SIL1: variants seen among roughly 807,000 people sequenced by gnomAD.
The protein encoded by SIL1 is SIL1 nucleotide exchange factor, also known as nucleotide exchange factor SIL1.
Under a neutral mutation model 49.1 loss-of-function variants are expected in SIL1, and 40 were observed. That is an observed-to-expected ratio of 0.81 (90% CI 0.63 to 1.06). SIL1 has a LOEUF of 1.06. Ranked by LOEUF, SIL1 falls within the 50% of genes least tolerant of loss-of-function variation. The pLI, the probability that SIL1 is intolerant of heterozygous loss-of-function variation, is 0.00. For synonymous variants in SIL1, 253 were observed against 250.8 expected, an observed-to-expected ratio of 1.01 and a Z score of -0.08; for missense variants, 500 against 572.6, an observed-to-expected ratio of 0.87 and a Z score of 1.29.
intron 1 of SIL1, chr5:139,137,315 A>C: frequency 4.3e-6 from 3 of 702,476 alleles, no homozygotes; most frequent in Non-Finnish European, 7.8e-6. Flanking sequence ...CAAAATTCAG[A>C]GAGGTTAAGT....
rs188845358 is a variant in SIL1 at position 139,122,081 on chromosome 5, G to A, written c.106-908C>T. On this transcript the variant is annotated intron_variant, in intron 2 of 9. Coordinates refer to ENST00000394817, the MANE Select transcript of SIL1 (RefSeq NM_022464.5). Reference sequence around the variant, plus strand: ...AGGAGGAACCCACATTAGCACATGGGGAGGTATTTCAGCCTGCCCACCTCC... The same window carrying A: ...AGGAGGAACCCACATTAGCACATGGAGAGGTATTTCAGCCTGCCCACCTCC... Among the ~76,000 whole-genome samples the A allele has an allele frequency of 4.1e-3, 621 of 152,172 alleles. 6 individuals carry two copies. The highest frequency in any genetic ancestry group is 9.7e-3 in the African/African-American group (404 of 41,500).
At chr5:139,112,574 GCC>G (rs746321575) in intron 3 of SIL1, among the ~76,000 whole-genome samples, 1 of 144,384 alleles carries the variant, frequency 6.9e-6, no homozygotes, top group Non-Finnish European at 1.5e-5. Context: ...CCCGGCAGCC[GCC>G]CCGTCTGGGA....
chr5:139,002,271 T>A (rs10068237), intron 7 of SIL1, among the ~76,000 whole-genome samples: 66,299 of 151,052 alleles, frequency 0.44, 15,715 homozygotes, highest in African/African-American at 0.64. Flanking sequence ...CCTCCGGGGG[T>A]GAACAAAGGG....
chr5:139,096,789 G>A (rs888287171), intron 3 of SIL1, among the ~76,000 whole-genome samples: 1 of 151,868 alleles, frequency 6.6e-6, no homozygotes, highest in Non-Finnish European at 1.5e-5. Context: ...CTTAGACCCT[G>A]AATAACCAGC....
chr5:139,047,010 C>A (rs1372750744), intron 4 of SIL1, among the ~76,000 whole-genome samples: 1 of 152,206 alleles, frequency 6.6e-6, no homozygotes, highest in Admixed American at 6.5e-5. Flanking sequence ...CAATGCCTGG[C>A]ACGTGGGCAC....
intron 7 of SIL1, among the ~76,000 whole-genome samples, chr5:138,954,728 G>A (rs1766863326): frequency 6.6e-6 from 1 of 152,240 alleles, no homozygotes; most frequent in Non-Finnish European, 1.5e-5. Context: ...CCTGGGGCTG[G>A]GGGAGGCAAC....
intron 7 of SIL1, among the ~76,000 whole-genome samples, chr5:138,995,289 C>T (rs1401938145): frequency 6.6e-6 from 1 of 151,226 alleles, no homozygotes; most frequent in African/African-American, 2.4e-5. Flanking sequence ...CTCTTGTTGC[C>T]CAGGCTGGAG....
At chr5:138,966,470 C>A (rs1215664314) in intron 7 of SIL1, among the ~76,000 whole-genome samples, 2 of 152,006 alleles carry the variant, frequency 1.3e-5, no homozygotes, top group Admixed American at 1.3e-4. Flanking sequence ...ACACCACCCA[C>A]CAGGCTTCCT....
At chr5:139,078,824 A>G (rs1282612727) in intron 3 of SIL1, among the ~76,000 whole-genome samples, 1 of 152,236 alleles carries the variant, frequency 6.6e-6, no homozygotes, top group African/African-American at 2.4e-5. Context: ...ATACAGTGAG[A>G]GAGGGGACAC....
chr5:139,050,609 T>C (rs1428610495), intron 4 of SIL1, among the ~76,000 whole-genome samples: 1 of 152,234 alleles, frequency 6.6e-6, no homozygotes, highest in East Asian at 1.9e-4. Flanking sequence ...CCTGTTTTAA[T>C]GAATAGATGA....
intron 7 of SIL1, among the ~76,000 whole-genome samples, chr5:138,972,934 G>A (rs1767313178): frequency 6.6e-6 from 1 of 152,168 alleles, no homozygotes; most frequent in Admixed American, 6.5e-5. Context: ...AAGAGCAGAA[G>A]GGAGGACAAC....
chr5:139,102,739 G>C (rs951409284), intron 3 of SIL1, among the ~76,000 whole-genome samples: 13 of 148,924 alleles, frequency 8.7e-5, no homozygotes, highest in African/African-American at 3.2e-4. Flanking sequence ...TTGAGACGGA[G>C]TTTTTGCTCT....
chr5:139,013,317 C>T (rs1768325891), intron 7 of SIL1, among the ~76,000 whole-genome samples: 1 of 152,180 alleles, frequency 6.6e-6, no homozygotes, highest in Non-Finnish European at 1.5e-5. Flanking sequence ...TGAAGATCTG[C>T]AGGCATTTTT....
Position 139,143,344 on chromosome 5 carries a change from C to CACAT in SIL1, c.-10-15492_-10-15491insATGT, listed in dbSNP as rs1451727500. Among the ~76,000 whole-genome samples the CACAT allele has an allele frequency of 4.6e-3, 444 of 97,426 alleles. 1 individual carries two copies. Among genetic ancestry groups the CACAT allele is most frequent in the African/African-American group, 0.016 (288 of 18,274 alleles). 63.9% of individuals were successfully genotyped at this position (97,426 alleles called of 152,430 possible). On this transcript the variant is annotated intron_variant, in intron 1 of 9. Coordinates refer to ENST00000394817, the MANE Select transcript of SIL1 (RefSeq NM_022464.5). ...ACACACACACACACACACACACACACATATATATATATATATATATATGGT... is the reference window on the plus strand; with the variant it reads ...ACACACACACACACACACACACACACACATATATATATATATATATATATATGGT...
chr5:139,011,342 A>T (rs1175936393), intron 7 of SIL1, among the ~76,000 whole-genome samples: 1 of 152,154 alleles, frequency 6.6e-6, no homozygotes, highest in African/African-American at 2.4e-5. Context: ...GCGCGCACCC[A>T]CTGGCCTGCG....
At chr5:139,013,620 G>A (rs1044499304) in intron 7 of SIL1, 6 of 152,160 alleles carry the variant, frequency 3.9e-5, no homozygotes, top group African/African-American at 1.4e-4. Flanking sequence ...AAATTCCCCT[G>A]CAGTTACACA....
chr5:138,997,587 G>C (rs1324967918), intron 7 of SIL1, among the ~76,000 whole-genome samples: 1 of 152,210 alleles, frequency 6.6e-6, no homozygotes, highest in African/African-American at 2.4e-5. Flanking sequence ...TTTTGAGACA[G>C]AGTGCTCTGT....
rs1359839387 is a variant in SIL1 at position 138,951,279 on chromosome 5, G to A, written c.921C>T (p.Phe307=). Residue 307 remains phenylalanine, a synonymous_variant, in exon 9 of 10, where the codon TTC becomes TTT. Coordinates refer to ENST00000394817, the MANE Select transcript of SIL1 (RefSeq NM_022464.5). ...GGACCTGCAGCCCCCCGAGCTTCAG[G>A]AACTGCCGCTGGGCATAGGGGAAGT... ...LRHFPYAQRQ[F]LKLGGLQVLR... is the part of the protein sequence containing the mutation. The A allele has an allele frequency of 1.9e-6, 3 of 1,576,182 alleles. No individual in the cohort carries two copies. Among genetic ancestry groups the A allele is most frequent in the Admixed American group, 1.8e-5 (1 of 54,436 alleles).
intron 2 of SIL1, among the ~76,000 whole-genome samples, chr5:139,121,689 G>C (rs1415666582): frequency 2.0e-5 from 3 of 152,202 alleles, no homozygotes; most frequent in Admixed American, 1.3e-4. Flanking sequence ...AAGCAGCCCA[G>C]CAGGGCACAA....
Sources: gnomAD v4.1 joint callset for allele counts (sites outside exome capture counted in the v4.1 genomes callset) on GRCh38, gnomAD v4.1.1 for gene constraint, MANE v1.5 for transcripts, NCBI Gene and HGNC (gene_info 2026-07-23, HGNC 2026-07-21) for gene names.